Variants in MAP4K3 observed in about 807,000 individuals in gnomAD.
The protein encoded by MAP4K3 is mitogen-activated protein kinase kinase kinase kinase 3, also known as MAPK/ERK kinase kinase kinase 3.
Under a neutral mutation model 143.5 loss-of-function variants are expected in MAP4K3, and 94 were observed. The ratio of observed to expected loss-of-function variants is 0.65; its 90% CI spans 0.55 to 0.78. The LOEUF (loss-of-function observed/expected upper bound fraction) is 0.78. Ranked by LOEUF, MAP4K3 falls within the 30% of genes least tolerant of loss-of-function variation. MAP4K3 has a pLI of 0.00. For missense variants in MAP4K3, 1,077 were observed against 1,068.1 expected (o/e 1.01, Z -0.12); for synonymous variants, 416 against 347.2 (o/e 1.20, Z -2.20).
At chr2:39,324,653 T>C (rs1231727270) in intron 12 of MAP4K3, among the ~76,000 whole-genome samples, 2 of 152,170 alleles carry the variant, frequency 1.3e-5, no homozygotes, top group Non-Finnish European at 2.9e-5. Context: ...TAATGAAATT[T>C]ACAATATTTT....
intron 16 of MAP4K3, among the ~76,000 whole-genome samples, chr2:39,295,715 GTTTTTT>G (rs56299783): frequency 1.0e-5 from 1 of 98,540 alleles, no homozygotes; most frequent in Admixed American, 1.2e-4. Flanking sequence ...CGCATTCCAT[GTTTTTT>G]TTTTTTTTTT....
chr2:39,281,577 A>T lies in MAP4K3; in HGVS notation c.1629+936T>A, dbSNP rs73923842. 4.6e-5 allele frequency among the ~76,000 whole-genome samples: 7 copies of T among 152,026 alleles called. No individual in the cohort carries two copies. The East Asian group carries it at 1.3e-3, about 29-fold the overall frequency. ...TAAATGACAAAACGAAGAACAAAAC[A>T]ATCAAGCCAGTTCCCAATCTTAAGC... On this transcript the variant is annotated intron_variant, in intron 22 of 33. Coordinates refer to ENST00000263881, the MANE Select transcript of MAP4K3 (RefSeq NM_003618.4).
At chr2:39,278,610 G>T in intron 23 of MAP4K3, 124 bp from the exon 24 acceptor site, 1 of 578,382 alleles carries the variant, frequency 1.7e-6, no homozygotes, top group Non-Finnish European at 3.1e-6. Context: ...TGATTTATAA[G>T]CAGTGAATAC....
intron 1 of MAP4K3, among the ~76,000 whole-genome samples, chr2:39,378,409 C>A (rs900456522): frequency 2.0e-5 from 3 of 152,112 alleles, no homozygotes; most frequent in Non-Finnish European, 2.9e-5. Context: ...ATCCTCACAA[C>A]AACCTTATAA....
At chr2:39,346,836 C>A (rs558463506) in intron 3 of MAP4K3, among the ~76,000 whole-genome samples, 238 of 152,134 alleles carry the variant, frequency 1.6e-3, no homozygotes, top group African/African-American at 5.4e-3. Context: ...CACTTCTCTG[C>A]CTCTGCCTGA....
Position 39,331,907 on chromosome 2 carries a change from A to C in MAP4K3, c.530+10T>G, listed in dbSNP as rs983745108. On this transcript the variant is annotated intron_variant, in intron 8 of 33. Transcript: ENST00000263881. ...AACAAAGTATTAAATATCAATTAAA[A>C]TACAATTACCAATATGGTGTGCCAA... is the stretch of plus-strand genomic sequence containing the variant. The C allele has an allele frequency of 1.3e-6, 2 of 1,536,700 alleles. No individual in the cohort carries two copies. Among genetic ancestry groups the C allele is most frequent in the African/African-American group, 2.7e-5 (2 of 73,564 alleles).
chr2:39,299,795 G>T lies in MAP4K3; in HGVS notation c.1126C>A (p.Gln376Lys), dbSNP rs750946862. Reference protein sequence around the residue: ...YYTARSNLDLQLEYGQGHQGG... With the variant: ...YYTARSNLDLKLEYGQGHQGG... ...TGGTGTCCTTGTCCATATTCCAGTT[G>T]CAGATCCTAATAGTACAAAATAAAA... Residue 376 changes from glutamine (Q) to lysine (K), a missense_variant, in exon 16 of 34, where the codon CAA becomes AAA. Physicochemically the swap from Gln to Lys is moderately conservative, Grantham distance 53. This residue lies in a region of MAP4K3 where 864 missense variants were observed against 801.2 expected (regional missense o/e 1.08). Transcript: ENST00000263881. The T allele has an allele frequency of 5.1e-6, 8 of 1,567,468 alleles. No homozygotes were observed. Among genetic ancestry groups the T allele is most frequent in the Non-Finnish European group, 6.1e-6 (7 of 1,155,232 alleles).
intron 1 of MAP4K3, among the ~76,000 whole-genome samples, chr2:39,420,813 A>T (rs181249316): frequency 3.9e-5 from 6 of 152,090 alleles, no homozygotes; most frequent in Non-Finnish European, 5.9e-5. Context: ...CACTCCCATC[A>T]TTGAAGAATT....
At chr2:39,416,466 A>C (rs1259866354) in intron 1 of MAP4K3, among the ~76,000 whole-genome samples, 1 of 152,184 alleles carries the variant, frequency 6.6e-6, no homozygotes, top group Non-Finnish European at 1.5e-5. Context: ...AGAAGGAAAA[A>C]ATAATCTGGC....
intron 12 of MAP4K3, among the ~76,000 whole-genome samples, chr2:39,318,330 C>A (rs1683187781): frequency 6.6e-6 from 1 of 151,998 alleles, no homozygotes; most frequent in South Asian, 2.1e-4. Flanking sequence ...GTACATGAAT[C>A]CCCCGTGACA....
intron 1 of MAP4K3, among the ~76,000 whole-genome samples, chr2:39,435,507 G>C (rs1665433482): frequency 6.6e-6 from 1 of 152,138 alleles, no homozygotes; most frequent in African/African-American, 2.4e-5. Context: ...AATCATCTCT[G>C]AGATCTCAGC....
At chr2:39,366,478 C>G (rs143850186) in intron 2 of MAP4K3, among the ~76,000 whole-genome samples, 1 of 152,074 alleles carries the variant, frequency 6.6e-6, no homozygotes, top group South Asian at 2.1e-4. Flanking sequence ...AAATTTCAGA[C>G]GAAGAAATGT....
intron 1 of MAP4K3, among the ~76,000 whole-genome samples, chr2:39,427,646 C>T (rs371988350): frequency 1.1e-4 from 16 of 152,182 alleles, no homozygotes; most frequent in Admixed American, 6.5e-4. Flanking sequence ...GCAAATTTAA[C>T]GGTAACCACC....
rs142217528 is a variant in MAP4K3, at chr2:39,286,935, C to G, written c.1504G>C (p.Gly502Arg). The G allele has an allele frequency of 2.5e-6, 4 of 1,607,168 alleles. No homozygotes were observed. The African/African-American group carries it at 5.3e-5, about 21-fold the overall frequency. The part of the protein sequence containing the change: ...GNGMSSFQLN[G>R]ERDGSLCQQQ... ...TGACATAATGAGCCATCTCGTTCAC[C>G]ATTTAACTGGAAGGAGCTCATTCCA... Residue 502 changes from glycine to arginine, a missense_variant, in exon 21 of 34, where the codon GGT (glycine) becomes CGT (arginine). Physicochemically the swap from Gly to Arg is moderately radical, Grantham distance 125 (BLOSUM62 -2). Around this residue, in one of 2 missense-constraint regions of MAP4K3, gnomAD observed 864 missense variants for 801.2 expected, o/e 1.08. Coordinates refer to ENST00000263881, the MANE Select transcript of MAP4K3 (RefSeq NM_003618.4).
chr2:39,423,462 C>T (rs1378416999), intron 1 of MAP4K3, among the ~76,000 whole-genome samples: 1 of 152,228 alleles, frequency 6.6e-6, no homozygotes, highest in Non-Finnish European at 1.5e-5. Flanking sequence ...TAAAAACCTA[C>T]ACATGGATAT....
chr2:39,395,763 C>T (rs1050291675), intron 1 of MAP4K3, among the ~76,000 whole-genome samples: 39 of 152,286 alleles, frequency 2.6e-4, no homozygotes, highest in African/African-American at 9.4e-4. Context: ...AAATATGCTA[C>T]ATTATAAAGG....
At chr2:39,404,973 C>T (rs928080986) in intron 1 of MAP4K3, among the ~76,000 whole-genome samples, 2 of 152,176 alleles carry the variant, frequency 1.3e-5, no homozygotes, top group African/African-American at 4.8e-5. Flanking sequence ...CATCTCTGGA[C>T]CCACCTGGGG....
At chr2:39,436,696 C>T in intron 1 of MAP4K3, 196 bp downstream of exon 1, 2 of 586,130 alleles carry the variant, frequency 3.4e-6, no homozygotes, top group Non-Finnish European at 6.1e-6. Context: ...CAGGTAAGGG[C>T]TGGGGAGGTC....
intron 1 of MAP4K3, among the ~76,000 whole-genome samples, chr2:39,395,932 C>T (rs1443873115): frequency 6.6e-6 from 1 of 152,044 alleles, no homozygotes; most frequent in Non-Finnish European, 1.5e-5. Flanking sequence ...TTAAAAAGTT[C>T]AGGATGATAG....
Sources: gnomAD v4.1 joint callset for allele counts (sites outside exome capture counted in the v4.1 genomes callset) on GRCh38, gnomAD v4.1.1 for gene constraint, gnomAD v4.1.1 regional missense constraint, MANE v1.5 for transcripts, NCBI Gene and HGNC (gene_info 2026-07-23, HGNC 2026-07-21) for gene names.